Variants in PCDHGA3 observed in about 807,000 individuals in gnomAD.
PCDHGA3 encodes protocadherin gamma subfamily A, 3.
A neutral mutation model predicts 58.5 loss-of-function variants in PCDHGA3; 40 were observed. The ratio of observed to expected loss-of-function variants is 0.68; its 90% CI spans 0.53 to 0.89. The LOEUF (loss-of-function observed/expected upper bound fraction) is 0.89. Among genes scored for constraint, PCDHGA3 ranks in the 40% least tolerant of loss-of-function variants. The probability of loss-of-function intolerance (pLI) is 0.00; values close to 1 mark genes in which losing one functional copy is unlikely to be tolerated. For missense variants in PCDHGA3, 1,223 were observed against 1,195.9 expected (o/e 1.02, Z -0.33); for synonymous variants, 530 against 525.7 (o/e 1.01, Z -0.11).
chr5:141,372,316 G>T, intron 1 of PCDHGA3: 1 of 1,613,524 alleles, frequency 6.2e-7, no homozygotes, highest in East Asian at 2.2e-5. Flanking sequence ...GCCCGCCAGC[G>T]CCTGCTGGTC....
At chr5:141,374,954 AT>A in intron 1 of PCDHGA3, 1 of 1,613,990 alleles carries the variant, frequency 6.2e-7, no homozygotes, top group East Asian at 2.2e-5. Flanking sequence ...GATCTCACAA[AT>A]TTTCTGTTTG....
Position 141,431,420 on chromosome 5 carries a change from G to C in PCDHGA3, c.2425-63387G>C, listed in dbSNP as rs780266425. The C allele has an allele frequency of 8.1e-6, 13 of 1,613,592 alleles. No individual in the cohort carries two copies. Among genetic ancestry groups the C allele is most frequent in the East Asian group, 2.2e-5 (1 of 44,902 alleles). ...TACGGCCTCCGACGGGGGCGACCCG[G>C]TGCGCACAGGCACCGCGCGCATCCG... is the stretch of plus-strand genomic sequence containing the variant. On this transcript the variant is annotated intron_variant, in intron 1 of 3. Transcript: ENST00000253812. This position sits in a 1 kb window ranked among gnomAD's most constrained non-coding sequence, Gnocchi z 4.8.
chr5:141,497,217 G>A (rs1046945884), intron 2 of PCDHGA3, among the ~76,000 whole-genome samples: 1 of 152,066 alleles, frequency 6.6e-6, no homozygotes, highest in African/African-American at 2.4e-5. Flanking sequence ...AATGGGGGGG[G>A]GAAGATCAGA....
intron 1 of PCDHGA3, chr5:141,400,181 A>T: frequency 6.2e-7 from 1 of 1,614,034 alleles, no homozygotes; most frequent in Non-Finnish European, 8.5e-7. Flanking sequence ...GCTGAGCTGC[A>T]GTTTTACCTA....
chr5:141,490,561 A>G lies in PCDHGA3; in HGVS notation c.2425-4246A>G. On this transcript the variant is annotated intron_variant, in intron 1 of 3. Coordinates refer to ENST00000253812, the MANE Select transcript of PCDHGA3 (RefSeq NM_018916.4). This position sits in a 1 kb window ranked among gnomAD's most constrained non-coding sequence, Gnocchi z 5.4. Reference sequence around the variant, plus strand: ...TTCCCTACACAAACATCTCACCATCAGGCTCAACATTTCAGATGTCAATGA... The same window carrying G: ...TTCCCTACACAAACATCTCACCATCGGGCTCAACATTTCAGATGTCAATGA... 6.2e-7 allele frequency: 1 copy of G among 1,614,090 alleles called. No individual in the cohort carries two copies. The highest frequency in any genetic ancestry group is 8.5e-7 in the Non-Finnish European group (1 of 1,180,004).
chr5:141,386,109 A>T (rs866004779), intron 1 of PCDHGA3: 1 of 152,246 alleles, frequency 6.6e-6, no homozygotes, highest in Non-Finnish European at 1.5e-5. Context: ...TCTGTGGGCT[A>T]TCAAAGTGGG....
chr5:141,348,477 C>T (rs1007574587), intron 1 of PCDHGA3, among the ~76,000 whole-genome samples: 6 of 151,942 alleles, frequency 3.9e-5, no homozygotes, highest in Non-Finnish European at 8.8e-5. Context: ...TATCACTTTC[C>T]CTGTAAGGAG....
intron 1 of PCDHGA3, among the ~76,000 whole-genome samples, chr5:141,448,604 A>G (rs954578256): frequency 1.3e-5 from 2 of 152,118 alleles, no homozygotes; most frequent in Non-Finnish European, 2.9e-5. Flanking sequence ...AATACTATAC[A>G]CCACTTTATA....
intron 1 of PCDHGA3, chr5:141,423,010 G>C: frequency 6.2e-7 from 1 of 1,614,226 alleles, no homozygotes; most frequent in South Asian, 1.1e-5. Context: ...GGTGGTTGCG[G>C]TGGACAAAGA....
rs747077639 is a variant in PCDHGA3, at chr5:141,432,371, G to C, written c.2425-62436G>C. 2 of 1,614,234 alleles carry C rather than the reference G, an allele frequency of 1.2e-6. No individual in the cohort carries two copies. The highest frequency in any genetic ancestry group is 1.6e-4 in the Middle Eastern group (1 of 6,062). ...AGTGAAAGTGATGGCGCGGGACAAC[G>C]GGCACCCGCCCCTCAGCAGCAACGT... On this transcript the variant is annotated intron_variant, in intron 1 of 3. Transcript: ENST00000253812. The surrounding 1 kb of genome is among the most constrained non-coding windows in gnomAD (Gnocchi z 6.0).
rs770759647 is a variant in PCDHGA3 at position 141,393,173 on chromosome 5, A to C, written c.2424+46716A>C. 38 of 1,613,150 alleles carry C rather than the reference A, an allele frequency of 2.4e-5. No homozygotes were observed. Among genetic ancestry groups the C allele is most frequent in the Non-Finnish European group, 3.2e-5 (38 of 1,179,886 alleles). ...ATAAAGGAAAACTCTTTGGGGTAGA[A>C]ATAGAAATAATTGATATTAACGATA... On this transcript the variant is annotated intron_variant, in intron 1 of 3. Coordinates refer to ENST00000253812, the MANE Select transcript of PCDHGA3 (RefSeq NM_018916.4).
chr5:141,428,523 T>G, intron 1 of PCDHGA3: 1 of 278,554 alleles, frequency 3.6e-6, no homozygotes, highest in Non-Finnish European at 7.1e-6. Context: ...AAAGAAGATT[T>G]AATTTTCTCA....
intron 1 of PCDHGA3, chr5:141,356,926 G>T (rs756576284): frequency 1.2e-6 from 2 of 1,614,174 alleles, no homozygotes; most frequent in Admixed American, 3.3e-5. Context: ...CACTGGTGTG[G>T]AGCTGGCACC....
chr5:141,510,621 A>G (rs1317150967), intron 3 of PCDHGA3, among the ~76,000 whole-genome samples: 1 of 152,176 alleles, frequency 6.6e-6, no homozygotes, highest in Non-Finnish European at 1.5e-5. Flanking sequence ...CACTAAAACC[A>G]GAAGAGGTGG....
chr5:141,399,946 G>A (rs911365297), intron 1 of PCDHGA3: 1 of 1,612,270 alleles, frequency 6.2e-7, no homozygotes, highest in African/African-American at 1.3e-5. Context: ...CGTGCTGCAG[G>A]CTAGCGAGCC....
At chr5:141,449,148 T>C (rs570694341) in intron 1 of PCDHGA3, among the ~76,000 whole-genome samples, 20 of 152,268 alleles carry the variant, frequency 1.3e-4, no homozygotes, top group African/African-American at 4.8e-4. Flanking sequence ...AATTGCTGGG[T>C]CAAAGAGGAA....
intron 1 of PCDHGA3, chr5:141,374,770 G>A (rs750704696): frequency 6.8e-6 from 11 of 1,613,696 alleles, no homozygotes; most frequent in South Asian, 1.1e-5. Context: ...CCCAAATTCT[G>A]GTAACAGTTC....
At chr5:141,472,980 C>CAAAAAAAAAAAAAAAAAAAAAA (rs60579131) in intron 1 of PCDHGA3, among the ~76,000 whole-genome samples, 6 of 86,102 alleles carry the variant, frequency 7.0e-5, no homozygotes, top group African/African-American at 1.2e-4. Flanking sequence ...GAGTGAAACT[C>CAAAAAAAAAAAAAAAAAAAAAA]AAAAAAAAAA....
intron 1 of PCDHGA3, among the ~76,000 whole-genome samples, chr5:141,370,104 TCTC>T (rs1276559358): frequency 6.6e-6 from 1 of 152,240 alleles, no homozygotes; most frequent in African/African-American, 2.4e-5. Context: ...TGCCGATTTT[TCTC>T]CTAACTAGCT....
Sources: allele counts gnomAD v4.1 joint callset (sites outside exome capture counted in the v4.1 genomes callset), GRCh38; gene constraint gnomAD v4.1.1; non-coding constraint Gnocchi (gnomAD v3.1); transcripts MANE v1.5; gene names NCBI Gene and HGNC (gene_info 2026-07-23, HGNC 2026-07-21).